The following BTRC variants were observed in gnomAD, a reference collection of about 807,000 sequenced individuals.
BTRC encodes F-box/WD repeat-containing protein 1A.
BTRC carries 42 observed loss-of-function variants against 85.5 expected under a neutral mutation model. The ratio of observed to expected loss-of-function variants is 0.49; its 90% confidence interval spans 0.38 to 0.64. The LOEUF is 0.64. BTRC is among the 30% of genes least tolerant of loss of function. The pLI is 0.00. For missense variants in BTRC, 594 were observed against 743.5 expected, an observed-to-expected ratio of 0.80 and a Z score of 2.34; for synonymous variants, 255 against 263.3, an observed-to-expected ratio of 0.97 and a Z score of 0.30.
chr10:101,505,162 T>TATAC (rs1166868327), intron 4 of BTRC, among the ~76,000 whole-genome samples: 1 of 143,178 alleles, frequency 7.0e-6, no homozygotes. Flanking sequence ...TATATGTATA[T>TATAC]ATATATATAT....
intron 4 of BTRC, among the ~76,000 whole-genome samples, chr10:101,520,386 G>T (rs939841664): frequency 6.6e-6 from 1 of 152,112 alleles, no homozygotes; most frequent in Non-Finnish European, 1.5e-5. Context: ...CACACTAAGA[G>T]TATATGTTAG....
At position 101,366,790 on chromosome 10, in the gene BTRC, T is replaced by A. The variant is rs371106970; in HGVS notation, c.48+12562T>A. Among the ~76,000 whole-genome samples, 63 of 59,124 alleles carry A rather than the reference T, an allele frequency of 1.1e-3. 1 individual carries two copies. The highest frequency in any genetic ancestry group is 0.017 in the Middle Eastern group (2 of 118). 38.8% of individuals were successfully genotyped at this position (59,124 alleles called of 152,430 possible). A position where few individuals can be genotyped will look rare whatever the true frequency, so the allele number is the denominator to read the frequency against. ...GTTATATATATATATATATATATAT[T>A]TTTACATTTATATATATATTTATAT... On this transcript the variant is annotated intron_variant, in intron 1 of 14. Transcript: ENST00000370187.
chr10:101,451,124 ATTCAG>A (rs932750351), intron 2 of BTRC, among the ~76,000 whole-genome samples: 83 of 152,196 alleles, frequency 5.5e-4, no homozygotes, highest in African/African-American at 2.0e-3. Flanking sequence ...TTTAAAAATA[ATTCAG>A]TTGTGGGTAT....
chr10:101,457,919 G>A (rs540649546), intron 2 of BTRC, among the ~76,000 whole-genome samples: 1 of 152,176 alleles, frequency 6.6e-6, no homozygotes, highest in South Asian at 2.1e-4. Flanking sequence ...TTTACCTAAT[G>A]TTAACATGTT....
chr10:101,551,323 T>A (rs563394451), intron 14 of BTRC: 1 of 153,756 alleles, frequency 6.5e-6, no homozygotes, highest in South Asian at 2.1e-4. Flanking sequence ...CATCTCTTGG[T>A]GAAAGTTCAC....
At chr10:101,536,434 TTGA>T in intron 11 of BTRC, 106 bp from the exon 12 acceptor site, 1 of 748,560 alleles carries the variant, frequency 1.3e-6, no homozygotes, top group South Asian at 1.7e-5. Context: ...TGGGTGGTGA[TTGA>T]TTTTATTTTA....
intron 1 of BTRC, among the ~76,000 whole-genome samples, chr10:101,425,002 C>T (rs1410554343): frequency 2.0e-5 from 3 of 152,072 alleles, no homozygotes; most frequent in Non-Finnish European, 2.9e-5. Context: ...TTCTTTATGT[C>T]CATGTGTACT....
chr10:101,405,083 C>A (rs1943587993), intron 1 of BTRC, among the ~76,000 whole-genome samples: 1 of 150,724 alleles, frequency 6.6e-6, no homozygotes, highest in Admixed American at 6.6e-5. Flanking sequence ...CATAGGAGTT[C>A]ATTAACCACT....
At chr10:101,368,786 G>C (rs1942549775) in intron 1 of BTRC, among the ~76,000 whole-genome samples, 1 of 152,016 alleles carries the variant, frequency 6.6e-6, no homozygotes, top group Non-Finnish European at 1.5e-5. Flanking sequence ...TGGGAGGCTG[G>C]GGCAGGTAGA....
intron 2 of BTRC, among the ~76,000 whole-genome samples, chr10:101,446,313 A>G (rs988783034): frequency 1.7e-4 from 26 of 151,970 alleles, no homozygotes; most frequent in Non-Finnish European, 2.6e-4. Context: ...GTCCCTTGCC[A>G]TTATTGTGAG....
intron 6 of BTRC, 35 bp from the exon 7 acceptor site, chr10:101,531,202 A>C (rs1175428586): frequency 6.8e-7 from 1 of 1,468,148 alleles, no homozygotes; most frequent in African/African-American, 1.4e-5. Context: ...ATATAATGTC[A>C]TGATTTTCAC....
At chr10:101,444,980 A>G (rs1490452205) in intron 2 of BTRC, among the ~76,000 whole-genome samples, 1 of 152,196 alleles carries the variant, frequency 6.6e-6, no homozygotes, top group African/African-American at 2.4e-5. Flanking sequence ...TAGACATTTG[A>G]AAGATATTAC....
At chr10:101,525,247 C>G (rs550247211) in intron 5 of BTRC, among the ~76,000 whole-genome samples, 2 of 152,176 alleles carry the variant, frequency 1.3e-5, no homozygotes, top group African/African-American at 4.8e-5. Context: ...TCCCCAAGAT[C>G]TGTTCTCCAC....
intron 4 of BTRC, among the ~76,000 whole-genome samples, chr10:101,497,564 G>T (rs966665395): frequency 2.6e-5 from 4 of 152,096 alleles, no homozygotes; most frequent in African/African-American, 9.7e-5. Context: ...AATTTATCCA[G>T]GCATGGTGGT....
intron 4 of BTRC, among the ~76,000 whole-genome samples, chr10:101,513,603 C>G (rs2061984679): frequency 1.3e-5 from 2 of 152,134 alleles, no homozygotes; most frequent in Non-Finnish European, 2.9e-5. Flanking sequence ...TTTTGTGTGT[C>G]TGTGGTTTAT....
At chr10:101,511,892 C>G (rs921506433) in intron 4 of BTRC, among the ~76,000 whole-genome samples, 1 of 152,180 alleles carries the variant, frequency 6.6e-6, no homozygotes, top group Non-Finnish European at 1.5e-5. Flanking sequence ...CTCAAGTGAT[C>G]TGTCCGCCTC....
At chr10:101,394,637 TAAAG>T (rs1414161963) in intron 1 of BTRC, among the ~76,000 whole-genome samples, 1 of 152,052 alleles carries the variant, frequency 6.6e-6, no homozygotes, top group South Asian at 2.1e-4. Flanking sequence ...AGAGAAGAAA[TAAAG>T]AAGTCCCTAT....
chr10:101,487,664 A>G (rs1402567187), intron 4 of BTRC, among the ~76,000 whole-genome samples: 1 of 152,216 alleles, frequency 6.6e-6, no homozygotes, highest in East Asian at 1.9e-4. Flanking sequence ...CTCCTGTCAC[A>G]TTAACTTCAA....
intron 13 of BTRC, among the ~76,000 whole-genome samples, chr10:101,548,741 G>T (rs969300453): frequency 4.0e-5 from 6 of 151,316 alleles, no homozygotes; most frequent in Non-Finnish European, 7.4e-5. Flanking sequence ...GACAGAGCAA[G>T]ACTCCATCTC....
Sources: gnomAD v4.1 joint callset for allele counts (sites outside exome capture counted in the v4.1 genomes callset) on GRCh38, gnomAD v4.1.1 for gene constraint, MANE v1.5 for transcripts, NCBI Gene and HGNC (gene_info 2026-07-23, HGNC 2026-07-21) for gene names.